The following AHCYL2 variants were observed in gnomAD, a reference collection of about 807,000 sequenced individuals.
AHCYL2 encodes the protein adenosylhomocysteinase like 2, also known as S-adenosylhomocysteine hydrolase-like protein 2.
In AHCYL2, 28 loss-of-function variants were observed where a neutral mutation model predicts 81.4. The ratio of observed to expected loss-of-function variants is 0.34; its 90% CI spans 0.25 to 0.47. AHCYL2 has a LOEUF of 0.47. Ranked by LOEUF, AHCYL2 falls within the 20% of genes least tolerant of loss-of-function variation. AHCYL2 has a pLI of 1.00. For missense variants in AHCYL2, 551 were observed against 785.1 expected (o/e 0.70, Z 3.56); for synonymous variants, 272 against 290.2 (o/e 0.94, Z 0.64).
intron 1 of AHCYL2, among the ~76,000 whole-genome samples, 178 bp downstream of exon 1, chr7:129,225,617 G>A (rs1794184248): frequency 6.6e-6 from 1 of 152,036 alleles, no homozygotes; most frequent in Non-Finnish European, 1.5e-5. Flanking sequence ...CTCGTGCTGG[G>A]AGCGGAGACT....
chr7:129,335,078 A>G (rs1473647025), intron 1 of AHCYL2, among the ~76,000 whole-genome samples: 2 of 152,246 alleles, frequency 1.3e-5, no homozygotes, highest in East Asian at 3.8e-4. Context: ...ATTCTAAGGC[A>G]GAAAAGAGAA....
chr7:129,255,801 TA>T lies in AHCYL2; in HGVS notation c.363+30370del, dbSNP rs917783418. Among the ~76,000 whole-genome samples, 118 of 151,686 alleles carry T rather than the reference TA, an allele frequency of 7.8e-4. 1 individual carries two copies. The highest frequency in any genetic ancestry group is 2.4e-3 in the African/African-American group (100 of 41,366). ...CAACATGGTGAAACCCTGTCTCTAC[TA>T]AAAAAAATACAAAAATTAGCTGGGC... On this transcript the variant is annotated intron_variant, in intron 1 of 16. Coordinates refer to ENST00000325006, the MANE Select transcript of AHCYL2 (RefSeq NM_015328.4).
At chr7:129,271,457 T>C (rs1478996544) in intron 1 of AHCYL2, among the ~76,000 whole-genome samples, 2 of 151,826 alleles carry the variant, frequency 1.3e-5, no homozygotes, top group African/African-American at 4.8e-5. Flanking sequence ...GTAGAATGGA[T>C]ACATTATGGT....
intron 12 of AHCYL2, among the ~76,000 whole-genome samples, chr7:129,414,917 A>G: frequency 6.6e-6 from 1 of 152,148 alleles, no homozygotes; most frequent in Non-Finnish European, 1.5e-5. Context: ...CAGCTGATGT[A>G]CTGAGAGCTT....
At chr7:129,265,215 C>G (rs1377113375) in intron 1 of AHCYL2, among the ~76,000 whole-genome samples, 2 of 152,126 alleles carry the variant, frequency 1.3e-5, no homozygotes, top group Admixed American at 6.5e-5. Context: ...GCTTTCATGG[C>G]TTAAGATGAC....
chr7:129,299,235 G>C (rs1797160517), intron 1 of AHCYL2, among the ~76,000 whole-genome samples: 2 of 148,372 alleles, frequency 1.3e-5, no homozygotes, highest in Admixed American at 6.7e-5. Context: ...TTGAGGCTGG[G>C]AGTTTGAGAG....
chr7:129,377,564 C>A, intron 1 of AHCYL2: 1 of 456,726 alleles, frequency 2.2e-6, no homozygotes, highest in South Asian at 1.5e-5. Context: ...TCAGTTCCTG[C>A]TTTCATTCTG....
intron 10 of AHCYL2, among the ~76,000 whole-genome samples, chr7:129,407,702 T>G (rs1796371654): frequency 6.6e-6 from 1 of 152,220 alleles, no homozygotes; most frequent in Admixed American, 6.5e-5. Flanking sequence ...CTGTGCTATG[T>G]GCTGAGAATG....
rs1797511067 is a variant in AHCYL2 at position 129,429,869 on chromosome 7, T to A, written c.*2824T>A. On this transcript the variant is annotated 3_prime_UTR_variant, in exon 17 of 17. Coordinates refer to ENST00000325006, the MANE Select transcript of AHCYL2 (RefSeq NM_015328.4). The stretch of plus-strand genomic sequence containing the variant: ...TAAACAGATCTGATATTGCTGCTCC[T>A]GTGGTTTTCTCAAAATTAACTTTGC... 1 of 152,616 alleles carries A rather than the reference T, an allele frequency of 6.6e-6. No homozygotes were observed. Among genetic ancestry groups the A allele is most frequent in the South Asian group, 2.1e-4 (1 of 4,826 alleles). 9.5% of individuals were successfully genotyped at this position (152,616 alleles called of 1,614,324 possible).
chr7:129,328,045 A>G (rs550788365), intron 1 of AHCYL2, among the ~76,000 whole-genome samples: 6 of 152,260 alleles, frequency 3.9e-5, no homozygotes, highest in South Asian at 4.2e-4. Flanking sequence ...TGATCTTCCT[A>G]TGTCTGCCTC....
At chr7:129,310,807 C>T (rs967398992) in intron 1 of AHCYL2, among the ~76,000 whole-genome samples, 6 of 152,018 alleles carry the variant, frequency 3.9e-5, no homozygotes, top group Admixed American at 2.6e-4. Flanking sequence ...TTTTTTAAAG[C>T]AGTATATAAC....
chr7:129,277,792 A>G (rs748041911), intron 1 of AHCYL2, among the ~76,000 whole-genome samples: 20 of 152,206 alleles, frequency 1.3e-4, no homozygotes, highest in Non-Finnish European at 2.1e-4. Flanking sequence ...TTTTCATTGC[A>G]TAGTAGTACC....
chr7:129,401,279 G>A (rs1226873453), intron 6 of AHCYL2, among the ~76,000 whole-genome samples: 4 of 151,254 alleles, frequency 2.6e-5, no homozygotes, highest in Non-Finnish European at 5.9e-5. Context: ...GCAGTGAGCC[G>A]AGATCACACC....
chr7:129,316,167 G>A (rs1280820231), intron 1 of AHCYL2, among the ~76,000 whole-genome samples: 1 of 152,154 alleles, frequency 6.6e-6, no homozygotes, highest in Non-Finnish European at 1.5e-5. Context: ...ATTACATTTA[G>A]CACAGTGTCA....
intron 1 of AHCYL2, among the ~76,000 whole-genome samples, chr7:129,372,361 C>T (rs1238196605): frequency 6.6e-6 from 1 of 152,194 alleles, no homozygotes; most frequent in Non-Finnish European, 1.5e-5. Flanking sequence ...ATTGGTTTCT[C>T]TTGGCCTTGA....
Position 129,424,922 on chromosome 7 carries a change from T to G in AHCYL2, c.1609T>G (p.Ser537Ala). The G allele has an allele frequency of 6.2e-7, 1 of 1,613,838 alleles. No individual in the cohort carries two copies. The change falls in exon 14 of 17, where the codon TCA becomes GCA. Residue 537 changes from serine (S) to alanine (A), a missense_variant. This residue lies in a region of AHCYL2 where 316 missense variants were observed against 543.1 expected (regional missense o/e 0.58). Coordinates refer to ENST00000325006, the MANE Select transcript of AHCYL2 (RefSeq NM_015328.4). Reference protein sequence around the residue: ...SCSTVPTFVLSITATTQALAL... With the variant: ...SCSTVPTFVLAITATTQALAL... The stretch of plus-strand genomic sequence containing the variant: ...CTCCACAGTGCCTACATTTGTGCTC[T>G]CAATCACTGCTACTACTCAGGTAAG...
At chr7:129,407,001 T>C (rs1796338314) in intron 10 of AHCYL2, among the ~76,000 whole-genome samples, 1 of 152,218 alleles carries the variant, frequency 6.6e-6, no homozygotes. Context: ...TTCTTATCTA[T>C]AAAATGTGTG....
chr7:129,407,402 A>G (rs981216180), intron 10 of AHCYL2, among the ~76,000 whole-genome samples: 2 of 152,302 alleles, frequency 1.3e-5, no homozygotes, highest in South Asian at 4.1e-4. Flanking sequence ...ACATAATTAT[A>G]TAAGGTACAG....
At chr7:129,281,176 T>G (rs1259239487) in intron 1 of AHCYL2, among the ~76,000 whole-genome samples, 1 of 152,148 alleles carries the variant, frequency 6.6e-6, no homozygotes, top group Admixed American at 6.6e-5. Flanking sequence ...TGATTCATTT[T>G]TAAATGTTAA....
Sources: gnomAD v4.1 joint callset for allele counts (sites outside exome capture counted in the v4.1 genomes callset) on GRCh38, gnomAD v4.1.1 for gene constraint, gnomAD v4.1.1 regional missense constraint, MANE v1.5 for transcripts, NCBI Gene and HGNC (gene_info 2026-07-23, HGNC 2026-07-21) for gene names.